POTEH: variants seen among roughly 807,000 people sequenced by gnomAD.
POTEH encodes POTE ankyrin domain family member H.
In POTEH, 6 loss-of-function variants were observed where a neutral mutation model predicts 41.7. The ratio of observed to expected loss-of-function variants is 0.14; its 90% CI spans 0.08 to 0.28. POTEH has a LOEUF of 0.28. Ranked by LOEUF, POTEH falls within the 10% of genes least tolerant of loss-of-function variation. The pLI is 1.00. For synonymous variants in POTEH, 38 were observed against 179.9 expected (o/e 0.21, Z 6.31); for missense variants, 115 against 533.5 (o/e 0.22, Z 7.73).
intron 7 of POTEH, 100 bp downstream of exon 7, chr22:15,708,190 G>T: frequency 2.5e-6 from 1 of 406,868 alleles, no homozygotes. Flanking sequence ...TTACTTTTGA[G>T]ACTAGGCTTT....
At chr22:15,713,210 C>A (rs1286494847) in intron 9 of POTEH, among the ~76,000 whole-genome samples, 1 of 152,272 alleles carries the variant, frequency 6.6e-6, no homozygotes, top group Non-Finnish European at 1.5e-5. Context: ...TCAATTTCAG[C>A]ACTCCTCCAG....
intron 1 of POTEH, among the ~76,000 whole-genome samples, chr22:15,691,573 C>T (rs1258134493): frequency 4.4e-4 from 61 of 137,860 alleles, no homozygotes; most frequent in African/African-American, 1.5e-3. Flanking sequence ...ATCACTTTTA[C>T]TTAAGCCAAA....
In POTEH at chr22:15,695,695, C is replaced by A; in HGVS notation, c.798C>A (p.Gly266=). 1 of 26,504 alleles carries A rather than the reference C, an allele frequency of 3.8e-5. No homozygotes were observed. Among genetic ancestry groups the A allele is most frequent in the South Asian group, 4.0e-4 (1 of 2,510 alleles). The allele number at this position is 26,504 out of a possible 1,614,324, so 1.6% of individuals were successfully genotyped here. Residue 266 remains glycine (G), a synonymous_variant, in exon 3 of 11, where the codon GGC becomes GGA. Coordinates refer to ENST00000343518, the MANE Select transcript of POTEH (RefSeq NM_001136213.1). ...GTGCGTTAATGTTGCTGGAACATGG[C>A]ACTGATCCGAATATTCCAGATGAGT... ...DECALMLLEH[G]TDPNIPDEYG...
At chr22:15,710,215 A>G (rs769752553) in intron 8 of POTEH, among the ~76,000 whole-genome samples, 964 of 144,518 alleles carry the variant, frequency 6.7e-3, no homozygotes, top group Middle Eastern at 0.012. Flanking sequence ...TTTGGGGAGC[A>G]ACTCATTTTC....
chr22:15,690,802 C>T lies in POTEH; in HGVS notation c.632+93C>T. On this transcript the variant is annotated intron_variant, in intron 1 of 10. Coordinates refer to ENST00000343518, the MANE Select transcript of POTEH (RefSeq NM_001136213.1). Reference sequence around the variant, plus strand: ...GGAGGAGGGGAGCCTGGTTTTCTTGCCTCCACAGGCCTCACACCACCCTGG... The same window carrying T: ...GGAGGAGGGGAGCCTGGTTTTCTTGTCTCCACAGGCCTCACACCACCCTGG... 2.9e-6 allele frequency: 4 copies of T among 1,369,940 alleles called. 1 individual carries two copies. In the South Asian group the frequency reaches 4.9e-5, roughly 17 times the overall value. 84.9% of individuals were successfully genotyped at this position (1,369,940 alleles called of 1,614,324 possible).
At chr22:15,711,291 G>T (rs1193860054) in intron 9 of POTEH, among the ~76,000 whole-genome samples, 1 of 152,096 alleles carries the variant, frequency 6.6e-6, no homozygotes, top group Non-Finnish European at 1.5e-5. Context: ...ACATGTGCAG[G>T]TTTATTATAT....
intron 9 of POTEH, among the ~76,000 whole-genome samples, chr22:15,713,395 G>A (rs1989860032): frequency 6.6e-6 from 1 of 152,416 alleles, no homozygotes; most frequent in African/African-American, 2.4e-5. Context: ...TTTTACTCCT[G>A]CCTTTCTAGT....
chr22:15,714,464 C>A (rs1293503973), intron 9 of POTEH, among the ~76,000 whole-genome samples: 3 of 152,122 alleles, frequency 2.0e-5, no homozygotes, highest in Middle Eastern at 3.4e-3. Context: ...TTTCTTATCT[C>A]TTTTGCTCTG....
In POTEH at chr22:15,690,827, G is replaced by C. The variant is rs1321808609; in HGVS notation, c.632+118G>C. On this transcript the variant is annotated intron_variant, in intron 1 of 10. Transcript: ENST00000343518. ...CCTCCACAGGCCTCACACCACCCTGGATGTGGAAACCTCAGAGAGTTCAGG... is the reference window on the plus strand; with the variant it reads ...CCTCCACAGGCCTCACACCACCCTGCATGTGGAAACCTCAGAGAGTTCAGG... 3.8e-6 allele frequency: 5 copies of C among 1,300,850 alleles called. 1 individual carries two copies. In the Middle Eastern group the frequency reaches 7.7e-4, roughly 201 times the overall value. 80.6% of individuals were successfully genotyped at this position (1,300,850 alleles called of 1,614,324 possible).
Position 15,690,256 on chromosome 22 carries a change from A to G in POTEH, c.179A>G (p.Lys60Arg), listed in dbSNP as rs765435653. ...DDSAMKTLRS[K>R]MGKWCCHCFP... ...TCTGCTATGAAGACACTCAGGAGCAAGATGGGCAAGTGGTGCTGCCACTGC... is the reference window on the plus strand; with the variant it reads ...TCTGCTATGAAGACACTCAGGAGCAGGATGGGCAAGTGGTGCTGCCACTGC... Residue 60 changes from lysine to arginine, a missense_variant, in exon 1 of 11, where the codon AAG becomes AGG. Coordinates refer to ENST00000343518, the MANE Select transcript of POTEH (RefSeq NM_001136213.1). 1 of 1,410,636 alleles carries G rather than the reference A, an allele frequency of 7.1e-7. No individual in the cohort carries two copies. The highest frequency in any genetic ancestry group is 2.0e-5 in the Admixed American group (1 of 50,150). The allele number at this position is 1,410,636 out of a possible 1,614,324, so 87.4% of individuals were successfully genotyped here. A position where few individuals can be genotyped will look rare whatever the true frequency, so the allele number is the denominator to read the frequency against.
At chr22:15,712,940 C>T (rs1187061678) in intron 9 of POTEH, among the ~76,000 whole-genome samples, 3 of 149,482 alleles carry the variant, frequency 2.0e-5, no homozygotes, top group Admixed American at 2.0e-4. Context: ...GCCTTTAAAA[C>T]CTTGGTCTGG....
At chr22:15,718,793 GAAATAAAAGTAAAA>G (rs1989960313) in intron 9 of POTEH, among the ~76,000 whole-genome samples, 1 of 151,250 alleles carries the variant, frequency 6.6e-6, no homozygotes, top group Admixed American at 6.6e-5. Flanking sequence ...TAATATGCAT[GAAATAAAAGTAAAA>G]TGGAAAATGC....
At chr22:15,711,422 C>A (rs1445781831) in intron 9 of POTEH, among the ~76,000 whole-genome samples, 2 of 151,498 alleles carry the variant, frequency 1.3e-5, no homozygotes, top group Non-Finnish European at 2.9e-5. Flanking sequence ...CTCAAGTAGG[C>A]CCCAGTGTCT....
chr22:15,721,007 GATTT>G (rs1393493553), intron 10 of POTEH, among the ~76,000 whole-genome samples: 2 of 147,158 alleles, frequency 1.4e-5, no homozygotes, highest in Non-Finnish European at 3.0e-5. Context: ...ATCCTCTAGT[GATTT>G]ATTTTTCATA....
chr22:15,711,248 C>G, intron 9 of POTEH, among the ~76,000 whole-genome samples: 1 of 152,226 alleles, frequency 6.6e-6, no homozygotes, highest in East Asian at 1.9e-4. Flanking sequence ...ATTTTCTTTT[C>G]TTTTCAGTGA....
chr22:15,691,061 C>A (rs1343175722), intron 1 of POTEH, among the ~76,000 whole-genome samples: 1 of 143,708 alleles, frequency 7.0e-6, no homozygotes, highest in Non-Finnish European at 1.6e-5. Flanking sequence ...AAGAATGAAG[C>A]CCCATAACAC....
At chr22:15,712,839 C>G (rs532825802) in intron 9 of POTEH, among the ~76,000 whole-genome samples, 2 of 145,780 alleles carry the variant, frequency 1.4e-5, no homozygotes. Flanking sequence ...GAAATATTCT[C>G]GTTGAGACCT....
intron 1 of POTEH, among the ~76,000 whole-genome samples, chr22:15,692,033 TCTCA>T (rs1311444962): frequency 7.1e-6 from 1 of 139,982 alleles, no homozygotes; most frequent in East Asian, 2.0e-4. Context: ...TTTGATGGAG[TCTCA>T]CTCTGTTGCC....
intron 9 of POTEH, among the ~76,000 whole-genome samples, chr22:15,714,307 T>G (rs1989885732): frequency 6.6e-6 from 1 of 152,222 alleles, no homozygotes; most frequent in African/African-American, 2.4e-5. Flanking sequence ...AGTGGATGTA[T>G]TTAAAACATA....
Sources: gnomAD v4.1 joint callset for allele counts (sites outside exome capture counted in the v4.1 genomes callset) on GRCh38, gnomAD v4.1.1 for gene constraint, MANE v1.5 for transcripts, NCBI Gene and HGNC (gene_info 2026-07-23, HGNC 2026-07-21) for gene names.